Variants in PRKCH observed in about 807,000 individuals in gnomAD.
The protein encoded by PRKCH is protein kinase C eta.
Under a neutral mutation model 82.5 loss-of-function variants are expected in PRKCH, and 28 were observed. That is an observed-to-expected ratio of 0.34 (90% confidence interval 0.25 to 0.47). The LOEUF (loss-of-function observed/expected upper bound fraction) is 0.47. PRKCH is among the 20% of genes least tolerant of loss of function. The pLI is 1.00. For synonymous variants in PRKCH, 322 were observed against 327.4 expected (o/e 0.98, Z 0.18); for missense variants, 705 against 881.8 (o/e 0.80, Z 2.54).
chr14:61,328,981 G>C (rs529029992), intron 1 of PRKCH, among the ~76,000 whole-genome samples: 1 of 146,652 alleles, frequency 6.8e-6, no homozygotes, highest in African/African-American at 2.5e-5. Context: ...GCAAAACCCT[G>C]TCTCAAAAAA....
intron 1 of PRKCH, among the ~76,000 whole-genome samples, chr14:61,365,378 T>A (rs1163145699): frequency 6.6e-6 from 1 of 152,128 alleles, no homozygotes; most frequent in Non-Finnish European, 1.5e-5. Flanking sequence ...TTTATGTATT[T>A]ACACTTTTCA....
chr14:61,316,623 G>A (rs74054789), upstream of PRKCH, among the ~76,000 whole-genome samples: 4,273 of 152,274 alleles, frequency 0.028, 157 homozygotes, highest in African/African-American at 0.086. Context: ...TCAGGGTCAG[G>A]GCCAGCTCTG....
In PRKCH at chr14:61,485,574, T is replaced by A; in HGVS notation, c.1351T>A (p.Phe451Ile). 1 of 1,614,170 alleles carries A rather than the reference T, an allele frequency of 6.2e-7. No individual in the cohort carries two copies. The highest frequency in any genetic ancestry group is 8.5e-7 in the Non-Finnish European group (1 of 1,180,018). ...GTTCCACATTCAGAAGTCTCGTCGT[T>A]TTGATGAAGCACGAGCTCGCTTCTA... Reference protein sequence around the residue: ...LMFHIQKSRRFDEARARFYAA... With the variant: ...LMFHIQKSRRIDEARARFYAA... The change falls in exon 10 of 14, where the codon TTT becomes ATT. Residue 451 changes from phenylalanine to isoleucine, a missense_variant. By Grantham distance (21) the Phe-to-Ile change is conservative (BLOSUM62 0). Coordinates refer to ENST00000332981, the MANE Select transcript of PRKCH (RefSeq NM_006255.5).
chr14:61,266,260 A>T (rs1380662018), intron 1 of PRKCH, among the ~76,000 whole-genome samples: 5 of 151,250 alleles, frequency 3.3e-5, no homozygotes, highest in Non-Finnish European at 7.4e-5. Context: ...TCTACTAAAA[A>T]TACAAAAATT....
At chr14:61,253,974 CCCT>C (rs1412588561) in intron 1 of PRKCH, among the ~76,000 whole-genome samples, 3 of 117,870 alleles carry the variant, frequency 2.5e-5, no homozygotes, top group African/African-American at 3.6e-5. Flanking sequence ...TTCCCTCCCT[CCCT>C]CCTCCCTCCC....
chr14:61,218,588 A>G (rs754876174), intron 1 of PRKCH, among the ~76,000 whole-genome samples: 3 of 152,190 alleles, frequency 2.0e-5, no homozygotes, highest in Non-Finnish European at 2.9e-5. Context: ...CAAGGGAAAA[A>G]GAGCTTAAGT....
At chr14:61,502,082 T>TTTTTC (rs1886942530) in intron 10 of PRKCH, among the ~76,000 whole-genome samples, 3 of 19,800 alleles carry the variant, frequency 1.5e-4, no homozygotes, top group African/African-American at 5.4e-4. Context: ...TTTTTTTTTT[T>TTTTTC]CCGAGATGGA....
At chr14:61,454,140 G>A (rs1237269536) in intron 7 of PRKCH, among the ~76,000 whole-genome samples, 1 of 145,206 alleles carries the variant, frequency 6.9e-6, no homozygotes, top group Non-Finnish European at 1.5e-5. Flanking sequence ...ACAGAGTCTC[G>A]CTTTGTCACC....
chr14:61,420,264 C>A (rs963860894), intron 2 of PRKCH, among the ~76,000 whole-genome samples: 4 of 152,150 alleles, frequency 2.6e-5, no homozygotes, highest in Non-Finnish European at 5.9e-5. Context: ...CACTCTGGGC[C>A]TGGCCACTCT....
intron 10 of PRKCH, among the ~76,000 whole-genome samples, chr14:61,496,600 G>A (rs1171127920): frequency 1.3e-5 from 2 of 152,100 alleles, no homozygotes; most frequent in Admixed American, 6.5e-5. Flanking sequence ...CTGTTCCCAT[G>A]GCATCCCGTG....
At chr14:61,491,737 G>A (rs774049570) in intron 10 of PRKCH, among the ~76,000 whole-genome samples, 7 of 152,220 alleles carry the variant, frequency 4.6e-5, no homozygotes, top group Non-Finnish European at 8.8e-5. Flanking sequence ...CTGCACCCTT[G>A]CATGGCCTCT....
intron 1 of PRKCH, among the ~76,000 whole-genome samples, chr14:61,267,845 A>G (rs1318815278): frequency 4.6e-5 from 7 of 152,084 alleles, no homozygotes; most frequent in Admixed American, 4.6e-4. Flanking sequence ...TACCACTAAG[A>G]AAAAAAATGC....
At chr14:61,279,012 C>CACACACACACAA (rs61512805) in intron 1 of PRKCH, 5 of 147,672 alleles carry the variant, frequency 3.4e-5, no homozygotes, top group Admixed American at 1.3e-4. Context: ...CACACACACA[C>CACACACACACAA]AATGACAAAG....
At chr14:61,189,324 C>G (rs1405982625) in intron 1 of PRKCH, among the ~76,000 whole-genome samples, 1 of 152,198 alleles carries the variant, frequency 6.6e-6, no homozygotes, top group Non-Finnish European at 1.5e-5. Context: ...GAGGCAAAGT[C>G]CATAATTTTC....
chr14:61,546,239 A>C (rs1344849308), intron 12 of PRKCH, among the ~76,000 whole-genome samples: 2 of 152,202 alleles, frequency 1.3e-5, no homozygotes, highest in Non-Finnish European at 2.9e-5. Flanking sequence ...TGAGTTACTT[A>C]TAATATGCAT....
intron 1 of PRKCH, among the ~76,000 whole-genome samples, chr14:61,217,490 GTTC>G (rs1176953797): frequency 1.3e-5 from 2 of 152,018 alleles, no homozygotes; most frequent in African/African-American, 4.8e-5. Flanking sequence ...ATTAGTGCTA[GTTC>G]TTCTTCTGAG....
chr14:61,225,566 G>A (rs527962254), intron 1 of PRKCH, among the ~76,000 whole-genome samples: 49 of 152,276 alleles, frequency 3.2e-4, no homozygotes, highest in African/African-American at 1.2e-3. Flanking sequence ...ATGGTAATAC[G>A]CATAAGTTCT....
chr14:61,417,512 C>A (rs182013124), intron 2 of PRKCH, among the ~76,000 whole-genome samples: 1 of 152,322 alleles, frequency 6.6e-6, no homozygotes, highest in Admixed American at 6.5e-5. Flanking sequence ...CTTTGTGTCT[C>A]TTTTGACTAA....
intron 1 of PRKCH, among the ~76,000 whole-genome samples, chr14:61,323,519 G>GA (rs1313812099): frequency 6.6e-6 from 1 of 152,206 alleles, no homozygotes; most frequent in Non-Finnish European, 1.5e-5. Context: ...TATCAGTATT[G>GA]AAAATGTTTG....
Sources: gnomAD v4.1 joint callset for allele counts (sites outside exome capture counted in the v4.1 genomes callset) on GRCh38, gnomAD v4.1.1 for gene constraint, MANE v1.5 for transcripts, NCBI Gene and HGNC (gene_info 2026-07-23, HGNC 2026-07-21) for gene names.